MYRIP: variants seen among roughly 807,000 people sequenced by gnomAD.
The protein encoded by MYRIP is myosin VIIA and Rab interacting protein.
In MYRIP, 49 loss-of-function variants were observed where a neutral mutation model predicts 98.0. That is an observed-to-expected ratio of 0.50 (90% confidence interval 0.40 to 0.63). The LOEUF (loss-of-function observed/expected upper bound fraction) is 0.63. Among genes scored for constraint, MYRIP ranks in the 30% least tolerant of loss-of-function variants. The pLI, the probability that MYRIP is intolerant of heterozygous loss-of-function variation, is 0.00. For synonymous variants in MYRIP, 404 were observed against 409.5 expected, an observed-to-expected ratio of 0.99 and a Z score of 0.16; for missense variants, 1,004 against 1,058.2, an observed-to-expected ratio of 0.95 and a Z score of 0.71.
rs142915996 is a variant in MYRIP, at chr3:39,885,391, T to G, written c.-30-15396T>G. On this transcript the variant is annotated intron_variant, in intron 1 of 16. Transcript: ENST00000302541. ...GCTGTTAGTCTGATGGGCTTCCCTTTGAGGGTAACCCAACCTTTCTCTCTG... is the reference window on the plus strand; with the variant it reads ...GCTGTTAGTCTGATGGGCTTCCCTTGGAGGGTAACCCAACCTTTCTCTCTG... Among the ~76,000 whole-genome samples the G allele has an allele frequency of 9.2e-3, 1,400 of 152,218 alleles. 25 individuals are homozygous for G. Among genetic ancestry groups the G allele is most frequent in the African/African-American group, 0.032 (1,323 of 41,530 alleles).
At chr3:40,233,676 C>A (rs1315732963) in intron 11 of MYRIP, among the ~76,000 whole-genome samples, 183 bp from the exon 12 acceptor site, 1 of 152,164 alleles carries the variant, frequency 6.6e-6, no homozygotes, top group Non-Finnish European at 1.5e-5. Flanking sequence ...CAAATCAGGC[C>A]TCCCCTCAGT....
At position 39,895,223 on chromosome 3, in the gene MYRIP, G is replaced by A. The variant is rs528078051; in HGVS notation, c.-30-5564G>A. The stretch of plus-strand genomic sequence containing the variant: ...TTTTTTTGAGGCGGAGTCTCACTCC[G>A]TCGCCCAGGCTGAAGTGCAGTGGCG... On this transcript the variant is annotated intron_variant, in intron 1 of 16. Transcript: ENST00000302541. Among the ~76,000 whole-genome samples the A allele has an allele frequency of 7.4e-5, 11 of 149,454 alleles. No homozygotes were observed. In the South Asian group the frequency reaches 8.5e-4, roughly 11 times the overall value.
At chr3:39,892,790 T>A (rs1346382194) in intron 1 of MYRIP, among the ~76,000 whole-genome samples, 1 of 152,232 alleles carries the variant, frequency 6.6e-6, no homozygotes, top group African/African-American at 2.4e-5. Context: ...CACCACTTCA[T>A]AATAACCTAC....
At chr3:39,892,635 C>T (rs939976433) in intron 1 of MYRIP, among the ~76,000 whole-genome samples, 1 of 152,086 alleles carries the variant, frequency 6.6e-6, no homozygotes, top group African/African-American at 2.4e-5. Flanking sequence ...GTATCATGAT[C>T]TGAAAGTTGA....
intron 11 of MYRIP, among the ~76,000 whole-genome samples, chr3:40,217,669 C>T (rs187716456): frequency 6.6e-6 from 1 of 152,222 alleles, no homozygotes; most frequent in Admixed American, 6.5e-5. Flanking sequence ...GTTTGATGAA[C>T]ATTGTGAACC....
Position 40,190,334 on chromosome 3 carries a change from G to T in MYRIP, c.1536G>T (p.Glu512Asp). ...LASRETSDSS[E>D]PEEAPHTTDR... ...GCAGGGAGACCTCGGACAGCAGCGAGCCGGAGGAGGCCCCCCACACCACAG... is the reference window on the plus strand; with the variant it reads ...GCAGGGAGACCTCGGACAGCAGCGATCCGGAGGAGGCCCCCCACACCACAG... Residue 512 changes from glutamate to aspartate, a missense_variant, in exon 10 of 17, where the codon GAG becomes GAT. Around this residue, in one of 3 missense-constraint regions of MYRIP, gnomAD observed 880 missense variants for 907.7 expected, o/e 0.97. Coordinates refer to ENST00000302541, the MANE Select transcript of MYRIP (RefSeq NM_015460.4). The T allele has an allele frequency of 1.2e-6, 2 of 1,613,962 alleles. No homozygotes were observed. Among genetic ancestry groups the T allele is most frequent in the Non-Finnish European group, 1.7e-6 (2 of 1,179,942 alleles).
At chr3:40,022,064 C>G (rs895082156) in intron 2 of MYRIP, among the ~76,000 whole-genome samples, 1 of 152,134 alleles carries the variant, frequency 6.6e-6, no homozygotes, top group African/African-American at 2.4e-5. Flanking sequence ...GTGTTAGAAG[C>G]CTAAACAATT....
chr3:40,092,717 G>A (rs1329231653), intron 3 of MYRIP, among the ~76,000 whole-genome samples: 2 of 151,890 alleles, frequency 1.3e-5, no homozygotes, highest in Non-Finnish European at 2.9e-5. Context: ...GATGAGAGAA[G>A]TTCATTAGCT....
intron 2 of MYRIP, among the ~76,000 whole-genome samples, chr3:40,022,092 A>G (rs1165513575): frequency 6.6e-6 from 1 of 152,160 alleles, no homozygotes; most frequent in East Asian, 1.9e-4. Flanking sequence ...AGGAAGTTTT[A>G]ATTTTCATTT....
At chr3:40,142,689 G>A (rs1389344560) in intron 3 of MYRIP, among the ~76,000 whole-genome samples, 2 of 151,902 alleles carry the variant, frequency 1.3e-5, no homozygotes, top group African/African-American at 2.4e-5. Flanking sequence ...GAACTCCTAG[G>A]CTCAAGCAAT....
intron 2 of MYRIP, among the ~76,000 whole-genome samples, chr3:40,030,810 C>A (rs936917099): frequency 2.6e-5 from 4 of 151,990 alleles, no homozygotes; most frequent in Non-Finnish European, 5.9e-5. Context: ...TAGTGGTTTG[C>A]AGAGGCTGAG....
At chr3:40,098,740 T>TTGTGTGTGTA (rs1948880648) in intron 3 of MYRIP, among the ~76,000 whole-genome samples, 1 of 135,188 alleles carries the variant, frequency 7.4e-6, no homozygotes, top group African/African-American at 2.8e-5. Context: ...GTCTCTCTCA[T>TTGTGTGTGTA]TGTGTGTGTG....
In MYRIP at chr3:40,210,030, G is replaced by C. The variant is rs761387097; in HGVS notation, c.1842G>C (p.Glu614Asp). ...DQESEPKTES[E>D]NQKESLSSED... ...AGTCTGAGCCCAAGACAGAATCTGAGAACCAGAAGGAAAGTCTGTCCTCTG... is the reference window on the plus strand; with the variant it reads ...AGTCTGAGCCCAAGACAGAATCTGACAACCAGAAGGAAAGTCTGTCCTCTG... Residue 614 changes from glutamate to aspartate, a missense_variant, in exon 11 of 17, where the codon GAG becomes GAC. By Grantham distance (45) the Glu-to-Asp change is conservative. This residue lies in a region of MYRIP where 880 missense variants were observed against 907.7 expected (regional missense o/e 0.97). Coordinates refer to ENST00000302541, the MANE Select transcript of MYRIP (RefSeq NM_015460.4). The C allele has an allele frequency of 1.2e-6, 2 of 1,614,090 alleles. No individual in the cohort carries two copies. The highest frequency in any genetic ancestry group is 2.2e-5 in the South Asian group (2 of 91,078).
In MYRIP at chr3:39,895,917, G is replaced by T. The variant is rs997719083; in HGVS notation, c.-30-4870G>T. ...AGAAAAACTCGTGTGTGTGTGTGTG[G>T]TGTGTGTGTGTGTGTGTGTGCGCGT... is the stretch of plus-strand genomic sequence containing the variant. On this transcript the variant is annotated intron_variant, in intron 1 of 16. Transcript: ENST00000302541. Among the ~76,000 whole-genome samples, 28 of 28,226 alleles carry T rather than the reference G, an allele frequency of 9.9e-4. No individual in the cohort carries two copies. The African/African-American group carries it at 0.015, about 15-fold the overall frequency. The allele number at this position is 28,226 out of a possible 152,430, so 18.5% of individuals were successfully genotyped here. A position where few individuals can be genotyped will look rare whatever the true frequency, so the allele number is the denominator to read the frequency against.
chr3:39,890,338 A>G (rs369892764), intron 1 of MYRIP, among the ~76,000 whole-genome samples: 5 of 152,050 alleles, frequency 3.3e-5, no homozygotes, highest in East Asian at 1.9e-4. Context: ...AAATCCTACC[A>G]TGTCATATTT....
chr3:40,051,148 G>C (rs774441705), intron 3 of MYRIP, among the ~76,000 whole-genome samples: 1 of 152,158 alleles, frequency 6.6e-6, no homozygotes, highest in Non-Finnish European at 1.5e-5. Flanking sequence ...TTTACTGTAA[G>C]TAAAATGCTA....
chr3:39,825,016 G>A (rs986685232), intron 1 of MYRIP, among the ~76,000 whole-genome samples: 1 of 152,140 alleles, frequency 6.6e-6, no homozygotes, highest in African/African-American at 2.4e-5. Context: ...ACTGTGCCCA[G>A]CCAGTGCTAT....
intron 3 of MYRIP, among the ~76,000 whole-genome samples, chr3:40,085,754 G>A (rs1948612906): frequency 6.6e-6 from 1 of 151,970 alleles, no homozygotes; most frequent in Non-Finnish European, 1.5e-5. Flanking sequence ...AAGGAAGGAA[G>A]GAAGCAGCAG....
chr3:40,215,728 A>C (rs934040645), intron 11 of MYRIP, among the ~76,000 whole-genome samples: 5 of 152,196 alleles, frequency 3.3e-5, no homozygotes, highest in Admixed American at 2.6e-4. Flanking sequence ...GGAGCATTTT[A>C]TTTCAGAAGA....
Sources: gnomAD v4.1 joint callset for allele counts (sites outside exome capture counted in the v4.1 genomes callset) on GRCh38, gnomAD v4.1.1 for gene constraint, gnomAD v4.1.1 regional missense constraint, MANE v1.5 for transcripts, NCBI Gene and HGNC (gene_info 2026-07-23, HGNC 2026-07-21) for gene names.